TMEM220: variants seen among roughly 807,000 people sequenced by gnomAD.
TMEM220 encodes the protein transmembrane protein 220.
TMEM220 carries 21 observed loss-of-function variants against 21.7 expected under a neutral mutation model. The observed-to-expected ratio is 0.97, with a 90% CI of 0.69 to 1.39. The LOEUF is 1.39. Ranked by LOEUF, TMEM220 falls within the 40% of genes most tolerant of loss-of-function variation. The pLI, the probability that TMEM220 is intolerant of heterozygous loss-of-function variation, is 0.00. For missense variants in TMEM220, 191 were observed against 201.9 expected (o/e 0.95, Z 0.33); for synonymous variants, 80 against 73.6 (o/e 1.09, Z -0.45).
At chr17:10,723,118 C>T in intron 5 of TMEM220, 152 bp downstream of exon 5, 2 of 637,546 alleles carry the variant, frequency 3.1e-6, no homozygotes, top group Non-Finnish European at 5.6e-6. Flanking sequence ...GTAGCTGGGA[C>T]TACAGGCGCG....
intron 2 of TMEM220, among the ~76,000 whole-genome samples, chr17:10,727,098 CTAT>C (rs1262580747): frequency 6.6e-6 from 1 of 152,026 alleles, no homozygotes; most frequent in Non-Finnish European, 1.5e-5. Flanking sequence ...TCTATTCCTC[CTAT>C]TATATCGTCT....
intron 1 of TMEM220, 71 bp from the exon 2 acceptor site, chr17:10,729,131 C>T (rs368022864): frequency 4.5e-6 from 7 of 1,566,390 alleles, no homozygotes; most frequent in African/African-American, 1.3e-5. Flanking sequence ...TTCATTTAAG[C>T]ACATTTTTTA....
intron 5 of TMEM220, among the ~76,000 whole-genome samples, chr17:10,721,622 AAAAAAG>A (rs1380856190): frequency 0.014 from 1,975 of 144,938 alleles, 122 homozygotes; most frequent in East Asian, 0.077. Context: ...AAAAAAAAGA[AAAAAAG>A]AAAAAAAAGA....
At chr17:10,712,529 C>T (rs2074861131), downstream of TMEM220, among the ~76,000 whole-genome samples, 1 of 152,176 alleles carries the variant, frequency 6.6e-6, no homozygotes, top group African/African-American at 2.4e-5. Flanking sequence ...ATGAATTAGA[C>T]AGACATCCAT....
chr17:10,721,918 C>A lies in TMEM220; in HGVS notation c.347+1352G>T, dbSNP rs572302645. Among the ~76,000 whole-genome samples, 8 of 149,558 alleles carry A rather than the reference C, an allele frequency of 5.3e-5. No individual in the cohort carries two copies. The South Asian group carries it at 1.7e-3, about 32-fold the overall frequency. On this transcript the variant is annotated intron_variant, in intron 5 of 5. Coordinates refer to ENST00000341871, the MANE Select transcript of TMEM220 (RefSeq NM_001004313.3). Reference sequence around the variant, plus strand: ...GCTGGTGTTTGTAGTTTTTTTTCATCTTTTGACTTTAAATCTTTCTATATC... The same window carrying A: ...GCTGGTGTTTGTAGTTTTTTTTCATATTTTGACTTTAAATCTTTCTATATC...
intron 1 of TMEM220, among the ~76,000 whole-genome samples, 200 bp downstream of exon 1, chr17:10,729,580 G>C (rs1021098548): frequency 1.3e-5 from 2 of 152,162 alleles, no homozygotes; most frequent in African/African-American, 4.8e-5. Context: ...GCCCTGGTAT[G>C]GGACTCGCTT....
At chr17:10,726,437 T>C in intron 2 of TMEM220, 173 bp from the exon 3 acceptor site, 1 of 633,076 alleles carries the variant, frequency 1.6e-6, no homozygotes, top group Non-Finnish European at 2.9e-6. Context: ...TTGTGGCACT[T>C]AGCACGTCTG....
In TMEM220 at chr17:10,723,188, C is replaced by T; in HGVS notation, c.347+82G>A. 1.2e-5 allele frequency: 14 copies of T among 1,185,930 alleles called. No homozygotes were observed. The South Asian group carries it at 1.7e-4, about 14-fold the overall frequency. The allele number at this position is 1,185,930 out of a possible 1,614,324, so 73.5% of individuals were successfully genotyped here. Reference sequence around the variant, plus strand: ...TAGAGACAGGGTTTGACCATATTGGCCAGGATGGTCTTGATCTCCTGACCT... The same window carrying T: ...TAGAGACAGGGTTTGACCATATTGGTCAGGATGGTCTTGATCTCCTGACCT... On this transcript the variant is annotated intron_variant, in intron 5 of 5. Coordinates refer to ENST00000341871, the MANE Select transcript of TMEM220 (RefSeq NM_001004313.3).
downstream of TMEM220, among the ~76,000 whole-genome samples, chr17:10,712,763 G>T (rs2074862676): frequency 6.6e-6 from 1 of 152,218 alleles, no homozygotes; most frequent in Non-Finnish European, 1.5e-5. Flanking sequence ...CACCAGAAAG[G>T]TGCCGGGCTG....
chr17:10,718,451 T>C (rs1367287558), intron 5 of TMEM220, among the ~76,000 whole-genome samples: 1 of 152,162 alleles, frequency 6.6e-6, no homozygotes, highest in Non-Finnish European at 1.5e-5. Flanking sequence ...TTTATTTCAC[T>C]GACTTCTGCT....
At chr17:10,723,650 GGT>G (rs1318025830) in intron 4 of TMEM220, among the ~76,000 whole-genome samples, 1 of 152,100 alleles carries the variant, frequency 6.6e-6, no homozygotes, top group Non-Finnish European at 1.5e-5. Context: ...ACTTTTTTCA[GGT>G]CGCTAGAAGA....
intron 5 of TMEM220, chr17:10,715,909 G>T: frequency 2.9e-6 from 1 of 346,948 alleles, no homozygotes. Flanking sequence ...GGTTTTGAAG[G>T]TATTCTCTAG....
intron 2 of TMEM220, among the ~76,000 whole-genome samples, chr17:10,727,193 T>TGGC (rs575325694): frequency 2.6e-5 from 4 of 151,376 alleles, no homozygotes; most frequent in East Asian, 2.0e-4. Context: ...TTTTTGGAGA[T>TGGC]GGGGGGGGTC....
At chr17:10,712,033 G>T (rs1035054125), downstream of TMEM220, among the ~76,000 whole-genome samples, 1 of 152,132 alleles carries the variant, frequency 6.6e-6, no homozygotes, top group African/African-American at 2.4e-5. Context: ...CAAACCTGGC[G>T]ACTTAAACCA....
chr17:10,716,279 G>T, intron 5 of TMEM220: 1 of 692,878 alleles, frequency 1.4e-6, no homozygotes, highest in South Asian at 1.4e-5. Context: ...CGGTTGGGAG[G>T]AGGCCATAAC....
intron 1 of TMEM220, 28 bp downstream of exon 1, chr17:10,729,752 G>A (rs1402475320): frequency 6.0e-6 from 8 of 1,339,364 alleles, no homozygotes; most frequent in African/African-American, 3.1e-5. Flanking sequence ...GAGCCGGGCG[G>A]GTCCCCCTCC....
rs369583189 is a variant in TMEM220, at chr17:10,729,061, C to G, written c.73-1G>C. 15 of 1,614,088 alleles carry G rather than the reference C, an allele frequency of 9.3e-6. No individual in the cohort carries two copies. The highest frequency in any genetic ancestry group is 1.2e-5 in the Non-Finnish European group (14 of 1,180,044). ...ACACCTCTGCATCTGGGTCATTTAC[C>G]TGGAACGCCAGAATACCAAGGTGTT... is the stretch of plus-strand genomic sequence containing the variant. On this transcript the variant is annotated splice_acceptor_variant, in intron 1 of 5. Transcript: ENST00000341871. LOFTEE classifies it high-confidence loss of function.
Position 10,713,552 on chromosome 17 carries a change from CTG to C in TMEM220, c.*1899_*1900del, listed in dbSNP as rs1424301572. 9.1e-6 allele frequency: 1 copy of C among 109,732 alleles called. No individual in the cohort carries two copies. Among genetic ancestry groups the C allele is most frequent in the Non-Finnish European group, 1.8e-5 (1 of 54,358 alleles). 6.8% of individuals were successfully genotyped at this position (109,732 alleles called of 1,614,324 possible). A position where few individuals can be genotyped will look rare whatever the true frequency, so the allele number is the denominator to read the frequency against. On this transcript the variant is annotated 3_prime_UTR_variant, in exon 6 of 6. Transcript: ENST00000341871. ...GCCCACAGGGAATTTGCAAATGAGTCTGTTTTTTTTTTGCATGTGACTTCAGT... is the reference window on the plus strand; with the variant it reads ...GCCCACAGGGAATTTGCAAATGAGTCTTTTTTTTTTGCATGTGACTTCAGT...
At chr17:10,716,321 CAATT>C (rs1363117777) in intron 5 of TMEM220, 12 of 650,542 alleles carry the variant, frequency 1.8e-5, no homozygotes, top group Non-Finnish European at 3.5e-5. Flanking sequence ...TCACTGTCAT[CAATT>C]ATACTCTTCA....
Sources: allele counts gnomAD v4.1 joint callset (sites outside exome capture counted in the v4.1 genomes callset), GRCh38; gene constraint gnomAD v4.1.1; transcripts MANE v1.5; gene names NCBI Gene and HGNC (gene_info 2026-07-23, HGNC 2026-07-21).